RYR2: variants seen among roughly 807,000 people sequenced by gnomAD.
RYR2 encodes ryanodine receptor 2, also known as cardiac muscle ryanodine receptor-calcium release channel.
RYR2 carries 227 observed loss-of-function variants against 601.1 expected under a neutral mutation model. The observed-to-expected ratio is 0.38, with a 90% CI of 0.34 to 0.42. RYR2 has a LOEUF of 0.42. RYR2 is among the 10% of genes least tolerant of loss of function. The probability of loss-of-function intolerance (pLI) is 1.00; values close to 1 mark genes in which losing one functional copy is unlikely to be tolerated. For synonymous variants in RYR2, 2,223 were observed against 2,175.1 expected (o/e 1.02, Z -0.61); for missense variants, 4,646 against 6,156.5 (o/e 0.75, Z 8.21).
intron 29 of RYR2, among the ~76,000 whole-genome samples, chr1:237,571,064 A>C (rs893588969): frequency 3.3e-5 from 5 of 152,060 alleles, no homozygotes; most frequent in Admixed American, 6.6e-5. Flanking sequence ...GGAGGTCGAG[A>C]CTGCAGTGAG....
Position 237,500,823 on chromosome 1 carries a change from A to G in RYR2, c.2316A>G (p.Gly772=), listed in dbSNP as rs1482407990. 2 of 1,614,008 alleles carry G rather than the reference A, an allele frequency of 1.2e-6. No homozygotes were observed. Among genetic ancestry groups the G allele is most frequent in the East Asian group, 4.5e-5 (2 of 44,888 alleles). ...SAPSISFRIN[G]QPVQGMFENF... ...CAAGCATCTCGTTCCGAATTAATGG[A>G]CAACCTGTTCAAGGAATGTTTGAGA... The change falls in exon 21 of 105, where the codon GGA becomes GGG. Residue 772 remains glycine (G), a synonymous_variant. Transcript: ENST00000366574.
At chr1:237,412,639 C>T (rs1231028644) in intron 10 of RYR2, among the ~76,000 whole-genome samples, 2 of 152,120 alleles carry the variant, frequency 1.3e-5, no homozygotes, top group Non-Finnish European at 2.9e-5. Context: ...CAAAAATAGT[C>T]TCCAGTTAAC....
At chr1:237,327,599 T>G (rs1348350154) in intron 2 of RYR2, among the ~76,000 whole-genome samples, 5 of 152,208 alleles carry the variant, frequency 3.3e-5, no homozygotes, top group Admixed American at 6.5e-5. Context: ...AAATTATAGA[T>G]TTGTGTTTTC....
At chr1:237,408,725 G>A (rs984558376) in intron 10 of RYR2, among the ~76,000 whole-genome samples, 3 of 151,978 alleles carry the variant, frequency 2.0e-5, no homozygotes, top group African/African-American at 7.3e-5. Context: ...TAACTTGCTG[G>A]GATTTTGACT....
At chr1:237,571,490 T>G (rs932501546) in intron 29 of RYR2, among the ~76,000 whole-genome samples, 2 of 152,080 alleles carry the variant, frequency 1.3e-5, no homozygotes, top group Non-Finnish European at 2.9e-5. Flanking sequence ...AATTTTTGTA[T>G]TTTTAGTAGA....
intron 11 of RYR2, among the ~76,000 whole-genome samples, chr1:237,422,306 G>T (rs767257302): frequency 2.0e-5 from 3 of 152,154 alleles, no homozygotes; most frequent in Non-Finnish European, 4.4e-5. Flanking sequence ...TACAGGTAAT[G>T]TATAGTGATC....
intron 100 of RYR2, among the ~76,000 whole-genome samples, chr1:237,814,970 T>C (rs905919270): frequency 3.1e-4 from 40 of 130,218 alleles, no homozygotes; most frequent in African/African-American, 7.3e-4. Flanking sequence ...TTTTTCTTTT[T>C]TTTTTTTTTT....
At chr1:237,631,623 T>TTTG (rs1680272522) in intron 42 of RYR2, 82 bp downstream of exon 42, 1 of 278,546 alleles carries the variant, frequency 3.6e-6, no homozygotes, top group Non-Finnish European at 5.2e-6. Context: ...ATTTTTTTTT[T>TTTG]TTTTTTTTTT....
chr1:237,682,405 G>C (rs1054794717), intron 62 of RYR2, among the ~76,000 whole-genome samples: 1 of 152,120 alleles, frequency 6.6e-6, no homozygotes, highest in Non-Finnish European at 1.5e-5. Flanking sequence ...TTTAATTATA[G>C]TCATGCACCA....
intron 13 of RYR2, among the ~76,000 whole-genome samples, chr1:237,443,066 T>G (rs932327870): frequency 6.6e-6 from 1 of 152,204 alleles, no homozygotes; most frequent in Non-Finnish European, 1.5e-5. Context: ...CATGGCTGTC[T>G]TTCCTCACAG....
At chr1:237,596,998 C>T (rs1675962951) in intron 34 of RYR2, among the ~76,000 whole-genome samples, 1 of 152,092 alleles carries the variant, frequency 6.6e-6, no homozygotes, top group Admixed American at 6.6e-5. Flanking sequence ...AGAAGAAATG[C>T]GTAAGGCAGT....
chr1:237,349,646 A>G (rs1416516854), intron 3 of RYR2, among the ~76,000 whole-genome samples: 4 of 152,230 alleles, frequency 2.6e-5, no homozygotes, highest in Admixed American at 2.6e-4. Flanking sequence ...CCATGTTCAA[A>G]GATCCTTTTT....
At chr1:237,371,516 A>G (rs1428492211) in intron 6 of RYR2, among the ~76,000 whole-genome samples, 2 of 152,214 alleles carry the variant, frequency 1.3e-5, no homozygotes, top group African/African-American at 2.4e-5. Flanking sequence ...TATTGTCAAC[A>G]TAATTTTAGT....
chr1:237,431,900 T>C (rs952453142), intron 12 of RYR2, among the ~76,000 whole-genome samples: 3 of 152,192 alleles, frequency 2.0e-5, no homozygotes, highest in African/African-American at 4.8e-5. Context: ...ACTTTACATT[T>C]CTGTGCGACT....
rs373721253 is a variant in RYR2 at position 237,590,720 on chromosome 1, C to T, written c.3888C>T (p.Asn1296=). Reference sequence around the variant, plus strand: ...AGTCTTTTGGTTCTCAGAACAGCAACACTGATATCATGTTTTATCGCCTGA... The same window carrying T: ...AGTCTTTTGGTTCTCAGAACAGCAATACTGATATCATGTTTTATCGCCTGA... ...TQKSFGSQNS[N]TDIMFYRLSM... The change falls in exon 31 of 105, where the codon AAC becomes AAT. Residue 1296 remains asparagine, a synonymous_variant. Coordinates refer to ENST00000366574, the MANE Select transcript of RYR2 (RefSeq NM_001035.3). 848 of 1,610,558 alleles carry T rather than the reference C, an allele frequency of 5.3e-4. 2 individuals are homozygous for T. The highest frequency in any genetic ancestry group is 8.7e-4 in the South Asian group (79 of 90,716).
At chr1:237,572,622 ATG>A in intron 29 of RYR2, among the ~76,000 whole-genome samples, 1 of 152,268 alleles carries the variant, frequency 6.6e-6, no homozygotes, top group Non-Finnish European at 1.5e-5. Flanking sequence ...CAGGATTTTG[ATG>A]AATTGTCTGA....
In RYR2 at chr1:237,508,999, C is replaced by G. The variant is rs554351371; in HGVS notation, c.2718+2185C>G. Among the ~76,000 whole-genome samples the G allele has an allele frequency of 2.0e-5, 3 of 152,100 alleles. No individual in the cohort carries two copies. In the East Asian group the frequency reaches 5.8e-4, roughly 30 times the overall value. On this transcript the variant is annotated intron_variant, in intron 23 of 104. Transcript: ENST00000366574. ...CCTCGTGATCCGCCCGCCTCGGCCT[C>G]CCAAAGTGCTGGGATTACAGGCGTG...
intron 16 of RYR2, among the ~76,000 whole-genome samples, chr1:237,465,657 C>T (rs1426236798): frequency 6.6e-6 from 1 of 152,124 alleles, no homozygotes; most frequent in Non-Finnish European, 1.5e-5. Flanking sequence ...CATGGCTATG[C>T]TATACGGGAT....
chr1:237,213,850 A>AT (rs1419077770), intron 1 of RYR2, among the ~76,000 whole-genome samples: 12 of 135,882 alleles, frequency 8.8e-5, no homozygotes, highest in South Asian at 2.2e-4. Context: ...GAGAGCTTTA[A>AT]TTTTTTTTTC....
Sources: gnomAD v4.1 joint callset for allele counts (sites outside exome capture counted in the v4.1 genomes callset) on GRCh38, gnomAD v4.1.1 for gene constraint, MANE v1.5 for transcripts, NCBI Gene and HGNC (gene_info 2026-07-23, HGNC 2026-07-21) for gene names.